PHACTR1: variants seen among roughly 807,000 people sequenced by gnomAD.
PHACTR1 encodes the protein RPEL repeat containing 1.
Under a neutral mutation model 69.2 loss-of-function variants are expected in PHACTR1, and 16 were observed. That is an observed-to-expected ratio of 0.23 (90% CI 0.16 to 0.35). The LOEUF (loss-of-function observed/expected upper bound fraction) is 0.35, where lower values mean the gene tolerates loss of function less well. Among genes scored for constraint, PHACTR1 ranks in the 10% least tolerant of loss-of-function variants. The pLI is 1.00. For missense variants in PHACTR1, 510 were observed against 734.7 expected, an observed-to-expected ratio of 0.69 and a Z score of 3.54; for synonymous variants, 312 against 284.5, an observed-to-expected ratio of 1.10 and a Z score of -0.97.
At chr6:12,822,395 C>T (rs1392272689) in intron 4 of PHACTR1, among the ~76,000 whole-genome samples, 1 of 152,144 alleles carries the variant, frequency 6.6e-6, no homozygotes, top group Admixed American at 6.5e-5. Context: ...AAATTCTAGT[C>T]AGGGAGGCAC....
At chr6:12,805,600 T>G (rs1184244031) in intron 4 of PHACTR1, among the ~76,000 whole-genome samples, 1 of 150,480 alleles carries the variant, frequency 6.6e-6, no homozygotes, top group African/African-American at 2.4e-5. Context: ...TCTCTCTTTC[T>G]TTCTTTCTTT....
intron 4 of PHACTR1, among the ~76,000 whole-genome samples, chr6:12,789,395 T>TA (rs2127658216): frequency 6.6e-6 from 1 of 152,308 alleles, no homozygotes; most frequent in African/African-American, 2.4e-5. Flanking sequence ...GATTTTTTTT[T>TA]AACATTGGAG....
At chr6:13,194,481 GA>G (rs59334120) in intron 7 of PHACTR1, among the ~76,000 whole-genome samples, 15,655 of 142,428 alleles carry the variant, frequency 0.11, 2,143 homozygotes, top group East Asian at 0.76. Flanking sequence ...TTTTATTGAA[GA>G]AAAAAAAAAA....
rs1761552061 is a variant in PHACTR1, at chr6:12,717,559, G to A, written c.-231G>A. On this transcript the variant is annotated 5_prime_UTR_variant, in exon 2 of 15. It adds an upstream start codon to the 5' untranslated region. Coordinates refer to ENST00000332995, the MANE Select transcript of PHACTR1 (RefSeq NM_030948.6). ...CGTCACCTTCCGTTGCTAAGGTAAC[G>A]TGCTCTGGCCATTTTATCTGATAAA... The A allele has an allele frequency of 6.6e-6, 1 of 152,042 alleles. No homozygotes were observed. The highest frequency in any genetic ancestry group is 1.5e-5 in the Non-Finnish European group (1 of 68,008). The allele number at this position is 152,042 out of a possible 1,614,324, so 9.4% of individuals were successfully genotyped here. A position where few individuals can be genotyped will look rare whatever the true frequency, so the allele number is the denominator to read the frequency against.
chr6:12,822,368 C>A (rs1776319993), intron 4 of PHACTR1, among the ~76,000 whole-genome samples: 1 of 152,118 alleles, frequency 6.6e-6, no homozygotes, highest in African/African-American at 2.4e-5. Context: ...AAGGGGAGAC[C>A]ACGAGGAGCC....
At chr6:12,944,655 T>C (rs868640760) in intron 4 of PHACTR1, among the ~76,000 whole-genome samples, 7 of 152,322 alleles carry the variant, frequency 4.6e-5, no homozygotes, top group Non-Finnish European at 7.4e-5. Context: ...CCAAGCGTGT[T>C]CTGAACACCC....
At chr6:13,036,436 A>G (rs1484194447) in intron 4 of PHACTR1, among the ~76,000 whole-genome samples, 1 of 152,244 alleles carries the variant, frequency 6.6e-6, no homozygotes. Context: ...TCAATCTGTC[A>G]TGGTTGAACA....
At chr6:12,942,541 C>T (rs1221765427) in intron 4 of PHACTR1, among the ~76,000 whole-genome samples, 1 of 152,164 alleles carries the variant, frequency 6.6e-6, no homozygotes, top group Admixed American at 6.5e-5. Context: ...CACCTGTAAT[C>T]CCAGTCACTT....
chr6:12,786,501 C>T (rs1771562090), intron 4 of PHACTR1, among the ~76,000 whole-genome samples: 1 of 152,180 alleles, frequency 6.6e-6, no homozygotes, highest in African/African-American at 2.4e-5. Context: ...AAAAATTGAA[C>T]TCTCTGAGTT....
chr6:13,167,957 C>A lies in PHACTR1; in HGVS notation c.496+7673C>A, dbSNP rs1760055790. On this transcript the variant is annotated intron_variant, in intron 6 of 14. Transcript: ENST00000332995. ...AACTTCTTCTCTGTATTAGAGGAGA[C>A]AAATGTAGACTCGAGCCTTCTTAAA... Among the ~76,000 whole-genome samples the A allele has an allele frequency of 2.6e-5, 4 of 152,226 alleles. No individual in the cohort carries two copies. In the South Asian group the frequency reaches 8.3e-4, roughly 32 times the overall value.
intron 4 of PHACTR1, among the ~76,000 whole-genome samples, chr6:12,968,290 G>C (rs1182403123): frequency 6.6e-6 from 1 of 152,170 alleles, no homozygotes; most frequent in African/African-American, 2.4e-5. Flanking sequence ...TCACAAATGA[G>C]CTTGGAAAAC....
rs59473759 is a variant in PHACTR1, at chr6:13,230,545, C to CAA, written c.1391+372_1391+373dup. 50 of 93,742 alleles carry CAA rather than the reference C, an allele frequency of 5.3e-4. 1 individual carries two copies. Among genetic ancestry groups the CAA allele is most frequent in the Middle Eastern group, 5.7e-3 (1 of 174 alleles). The allele number at this position is 93,742 out of a possible 1,614,324, so 5.8% of individuals were successfully genotyped here. On this transcript the variant is annotated intron_variant, in intron 10 of 14. Coordinates refer to ENST00000332995, the MANE Select transcript of PHACTR1 (RefSeq NM_030948.6). ...TGTGTGACAGAGCAAGACTCTGTCTCAAAAAAAAAAAAAAAAAAAAAGGAA... is the reference window on the plus strand; with the variant it reads ...TGTGTGACAGAGCAAGACTCTGTCTCAAAAAAAAAAAAAAAAAAAAAAAGGAA...
intron 4 of PHACTR1, among the ~76,000 whole-genome samples, chr6:12,909,829 C>T (rs1051997592): frequency 1.3e-5 from 2 of 152,230 alleles, no homozygotes; most frequent in Admixed American, 1.3e-4. Context: ...CCCTAGAAGA[C>T]ATGCCCAGTA....
chr6:12,776,162 A>G (rs1245091676), intron 4 of PHACTR1, among the ~76,000 whole-genome samples: 1 of 152,210 alleles, frequency 6.6e-6, no homozygotes, highest in African/African-American at 2.4e-5. Context: ...TTTGGCTTTA[A>G]ATGGGATATT....
intron 4 of PHACTR1, among the ~76,000 whole-genome samples, chr6:13,043,454 G>T (rs190646241): frequency 6.6e-6 from 1 of 152,028 alleles, no homozygotes; most frequent in Non-Finnish European, 1.5e-5. Flanking sequence ...GGGGGGTGGC[G>T]CTGGGGAGGC....
rs1762796453 is a variant in PHACTR1 at position 13,186,102 on chromosome 6, T to C, written c.664+3416T>C. ...TGTGTATGTCCATCCAAGTCAGATG[T>C]GTATGGCTTGAAAGAGCAAATTTCC... is the stretch of plus-strand genomic sequence containing the variant. On this transcript the variant is annotated intron_variant, in intron 7 of 14. Transcript: ENST00000332995. 2.0e-5 allele frequency among the ~76,000 whole-genome samples: 3 copies of C among 152,316 alleles called. No homozygotes were observed. The South Asian group carries it at 6.2e-4, about 32-fold the overall frequency.
intron 4 of PHACTR1, among the ~76,000 whole-genome samples, chr6:12,836,696 A>T (rs1465148261): frequency 1.3e-5 from 2 of 152,148 alleles, no homozygotes; most frequent in Non-Finnish European, 2.9e-5. Context: ...CTGCTTCCTC[A>T]CAGTTGTTTG....
chr6:12,814,674 C>A (rs1212056802), intron 4 of PHACTR1, among the ~76,000 whole-genome samples: 1 of 149,178 alleles, frequency 6.7e-6, no homozygotes, highest in Non-Finnish European at 1.5e-5. Flanking sequence ...AAAGCCATCA[C>A]CCACCAAATG....
At chr6:12,876,051 A>G (rs144101477) in intron 4 of PHACTR1, among the ~76,000 whole-genome samples, 75 of 152,310 alleles carry the variant, frequency 4.9e-4, no homozygotes, top group Non-Finnish European at 1.0e-4. Context: ...TTAACTCAAA[A>G]TAAAGAGAAC....
Sources: allele counts gnomAD v4.1 joint callset (sites outside exome capture counted in the v4.1 genomes callset), GRCh38; gene constraint gnomAD v4.1.1; transcripts MANE v1.5; gene names NCBI Gene and HGNC (gene_info 2026-07-23, HGNC 2026-07-21).